IFT140: variants seen among roughly 807,000 people sequenced by gnomAD.
IFT140 encodes the protein intraflagellar transport 140.
In IFT140, 133 loss-of-function variants were observed where a neutral mutation model predicts 164.6. That is an observed-to-expected ratio of 0.81 (90% CI 0.70 to 0.93). The LOEUF (loss-of-function observed/expected upper bound fraction) is 0.93, where lower values mean the gene tolerates loss of function less well. Among genes scored for constraint, IFT140 ranks in the 40% least tolerant of loss-of-function variants. The pLI is 0.00. For missense variants in IFT140, 2,045 were observed against 1,972.3 expected (o/e 1.04, Z -0.70); for synonymous variants, 860 against 817.3 (o/e 1.05, Z -0.89).
At chr16:1,547,800 C>G (rs148636138) in intron 19 of IFT140, among the ~76,000 whole-genome samples, 1 of 152,162 alleles carries the variant, frequency 6.6e-6, no homozygotes, top group African/African-American at 2.4e-5. Flanking sequence ...CCTCCCACAG[C>G]GCTGGGATTA....
At chr16:1,563,083 C>T (rs1008035251) in intron 17 of IFT140, among the ~76,000 whole-genome samples, 6 of 152,028 alleles carry the variant, frequency 3.9e-5, no homozygotes, top group South Asian at 2.1e-4. Flanking sequence ...CTCCCTGCCA[C>T]GTCTCCATCT....
chr16:1,524,562 C>T lies in IFT140; in HGVS notation c.3131G>A (p.Arg1044His), dbSNP rs577498082. The T allele has an allele frequency of 4.5e-5, 73 of 1,611,788 alleles. No individual in the cohort carries two copies. The highest frequency in any genetic ancestry group is 5.3e-5 in the Non-Finnish European group (63 of 1,179,112). ...TRAQAFKNAI[R>H]LCKENGLDDQ... ...CCGGGCCCGTGGTACCTTGCACAGG[C>T]GGATGGCATTCTTGAAGGCCTGTGC... The change falls in exon 24 of 31, where the codon CGC (arginine) becomes CAC (histidine). Residue 1044 changes from arginine to histidine, a missense_variant. Physicochemically the swap from Arg to His is conservative, Grantham distance 29 (BLOSUM62 0). Coordinates refer to ENST00000426508, the MANE Select transcript of IFT140 (RefSeq NM_014714.4).
chr16:1,527,905 C>T (rs2029893049), intron 19 of IFT140, among the ~76,000 whole-genome samples: 1 of 152,228 alleles, frequency 6.6e-6, no homozygotes, highest in South Asian at 2.1e-4. Context: ...CTGCATTCTT[C>T]CCCTGCTGGC....
At position 1,586,040 on chromosome 16, in the gene IFT140, G is replaced by A. The variant is rs1160768668; in HGVS notation, c.1155+90C>T. On this transcript the variant is annotated intron_variant, in intron 10 of 30. Transcript: ENST00000426508. ...CCCGCCTTGGCCTCCCAAAGTGCTGGGATTACAGGCGTGAGCCACCGCGCC... is the reference window on the plus strand; with the variant it reads ...CCCGCCTTGGCCTCCCAAAGTGCTGAGATTACAGGCGTGAGCCACCGCGCC... 8.6e-6 allele frequency: 13 copies of A among 1,510,870 alleles called. No individual in the cohort carries two copies. The East Asian group carries it at 2.7e-4, about 31-fold the overall frequency. 93.6% of individuals were successfully genotyped at this position (1,510,870 alleles called of 1,614,324 possible).
intron 19 of IFT140, among the ~76,000 whole-genome samples, chr16:1,527,199 G>A (rs2141188209): frequency 6.6e-6 from 1 of 152,336 alleles, no homozygotes; most frequent in East Asian, 1.9e-4. Flanking sequence ...CAGGGCCCCT[G>A]GTAAACCAGC....
chr16:1,566,324 G>A (rs755641078), intron 15 of IFT140, 33 bp from the exon 16 acceptor site: 2 of 1,609,910 alleles, frequency 1.2e-6, no homozygotes, highest in Non-Finnish European at 8.5e-7. Flanking sequence ...AGCTCACGGA[G>A]CCTGCCCAGA....
chr16:1,574,168 C>T (rs1265602946), intron 13 of IFT140, among the ~76,000 whole-genome samples: 3 of 152,204 alleles, frequency 2.0e-5, no homozygotes, highest in South Asian at 2.1e-4. Context: ...CTCTTTTCGG[C>T]CTTAAAAACC....
intron 4 of IFT140, among the ~76,000 whole-genome samples, chr16:1,598,143 C>A (rs1228102135): frequency 1.3e-5 from 2 of 151,968 alleles, no homozygotes; most frequent in African/African-American, 2.4e-5. Flanking sequence ...AAAAAAAAAA[C>A]TTGGCGAATA....
chr16:1,525,235 C>T lies in IFT140; in HGVS notation c.2860G>A (p.Asp954Asn). The change falls in exon 22 of 31, where the codon GAT becomes AAT. Residue 954 changes from aspartate to asparagine, a missense_variant. Transcript: ENST00000426508. ...AGCCCTGGTGGGGACACTCACTTAT[C>T]CTTCATTTTATTCACGTAGAGCTCC... ...SLELYVNKMK[D>N]KTLWRWWAQY... is the part of the protein sequence containing the mutation. 3.1e-6 allele frequency: 5 copies of T among 1,610,858 alleles called. No homozygotes were observed. The highest frequency in any genetic ancestry group is 4.2e-6 in the Non-Finnish European group (5 of 1,178,384).
chr16:1,581,018 C>T (rs900494421), intron 12 of IFT140, among the ~76,000 whole-genome samples, 168 bp from the exon 13 acceptor site: 2 of 152,210 alleles, frequency 1.3e-5, no homozygotes, highest in African/African-American at 4.8e-5. Flanking sequence ...CTCTGAGGCA[C>T]AGGGAACTGT....
At chr16:1,572,418 G>A (rs1237034918) in intron 13 of IFT140, among the ~76,000 whole-genome samples, 6 of 152,192 alleles carry the variant, frequency 3.9e-5, no homozygotes, top group Non-Finnish European at 7.3e-5. Flanking sequence ...AGGCCAAGGC[G>A]CGTGGATCAT....
In IFT140 at chr16:1,551,369, G is replaced by A. The variant is rs1206261949; in HGVS notation, c.2399+6566C>T. On this transcript the variant is annotated intron_variant, in intron 19 of 30. Transcript: ENST00000426508. This position sits in a 1 kb window ranked among gnomAD's most constrained non-coding sequence, Gnocchi z 4.0. ...CCTCCTCCCCAGGGCCAGTCAAGCC[G>A]GGGACAGTGGCACGAGGAGAAGCCC... Among the ~76,000 whole-genome samples, 4 of 152,094 alleles carry A rather than the reference G, an allele frequency of 2.6e-5. No individual in the cohort carries two copies. The highest frequency in any genetic ancestry group is 7.2e-5 in the African/African-American group (3 of 41,426).
chr16:1,581,037 C>T (rs543431922), intron 12 of IFT140, among the ~76,000 whole-genome samples, 187 bp from the exon 13 acceptor site: 9 of 152,294 alleles, frequency 5.9e-5, no homozygotes, highest in African/African-American at 1.2e-4. Flanking sequence ...GTCGTGGCCA[C>T]GGCTAGCAGT....
intron 10 of IFT140, among the ~76,000 whole-genome samples, chr16:1,585,018 TG>T (rs1168681839): frequency 1.3e-5 from 2 of 152,262 alleles, no homozygotes; most frequent in African/African-American, 4.8e-5. Flanking sequence ...GAAACCAGCC[TG>T]GTGAAGTGAA....
At chr16:1,535,620 C>A (rs2030985613) in intron 19 of IFT140, among the ~76,000 whole-genome samples, 1 of 152,210 alleles carries the variant, frequency 6.6e-6, no homozygotes, top group Non-Finnish European at 1.5e-5. Flanking sequence ...CCATCCCCAA[C>A]CTGCCGCGCT....
At chr16:1,608,504 G>T (rs2036185285) in intron 2 of IFT140, among the ~76,000 whole-genome samples, 1 of 151,904 alleles carries the variant, frequency 6.6e-6, no homozygotes, top group Admixed American at 6.6e-5. Context: ...GTGGTGGCAG[G>T]CACCTGTAAT....
intron 28 of IFT140, 25 bp from the exon 29 acceptor site, chr16:1,520,072 C>T (rs1176664659): frequency 1.9e-6 from 3 of 1,607,608 alleles, no homozygotes; most frequent in Non-Finnish European, 2.6e-6. Flanking sequence ...CCCGTCAAGA[C>T]CTGCCGGGCT....
intron 12 of IFT140, among the ~76,000 whole-genome samples, chr16:1,582,069 T>G (rs1596405242): frequency 6.6e-6 from 1 of 150,822 alleles, no homozygotes; most frequent in Admixed American, 6.6e-5. Context: ...AGGGGCAGGG[T>G]TGGTGAAGGT....
chr16:1,557,573 C>T (rs2076435), intron 19 of IFT140: 87,870 of 214,204 alleles, frequency 0.41, 20,229 homozygotes, highest in African/African-American at 0.65. Context: ...TACCCTCTTT[C>T]AGAGCATTTT....
Sources: allele counts gnomAD v4.1 joint callset (sites outside exome capture counted in the v4.1 genomes callset), GRCh38; gene constraint gnomAD v4.1.1; non-coding constraint Gnocchi (gnomAD v3.1); transcripts MANE v1.5; gene names NCBI Gene and HGNC (gene_info 2026-07-23, HGNC 2026-07-21).